Variants in ENOX1 observed in about 807,000 individuals in gnomAD.
The protein encoded by ENOX1 is candidate growth-related and time keeping constitutive hydroquinone (NADH) oxidase.
ENOX1 carries 42 observed loss-of-function variants against 82.5 expected under a neutral mutation model. The observed-to-expected ratio is 0.51, with a 90% CI of 0.40 to 0.66. ENOX1 has a LOEUF of 0.66. ENOX1 is among the 30% of genes least tolerant of loss of function. The probability of loss-of-function intolerance (pLI) is 0.00; values close to 1 mark genes in which losing one functional copy is unlikely to be tolerated. For missense variants in ENOX1, 608 were observed against 811.6 expected (o/e 0.75, Z 3.05); for synonymous variants, 271 against 282.2 (o/e 0.96, Z 0.40).
chr13:43,315,793 A>G (rs903834467), intron 11 of ENOX1, among the ~76,000 whole-genome samples: 4 of 152,170 alleles, frequency 2.6e-5, no homozygotes, highest in African/African-American at 9.7e-5. Flanking sequence ...ATATTCCCTC[A>G]GTGTCCTTCA....
chr13:43,784,941 C>G (rs999012121), intron 1 of ENOX1, among the ~76,000 whole-genome samples: 1 of 152,208 alleles, frequency 6.6e-6, no homozygotes, highest in African/African-American at 2.4e-5. Flanking sequence ...ATCATTTATA[C>G]GTACACATAT....
At chr13:43,696,266 A>T (rs1443310299) in intron 1 of ENOX1, among the ~76,000 whole-genome samples, 2 of 152,250 alleles carry the variant, frequency 1.3e-5, no homozygotes, top group African/African-American at 4.8e-5. Flanking sequence ...ACATTCATGT[A>T]CAGGTACTTG....
intron 1 of ENOX1, among the ~76,000 whole-genome samples, chr13:43,782,858 A>G (rs1300054989): frequency 6.6e-6 from 1 of 152,166 alleles, no homozygotes; most frequent in East Asian, 1.9e-4. Context: ...AATCTGCACT[A>G]TCACCTCTCT....
intron 2 of ENOX1, among the ~76,000 whole-genome samples, chr13:43,524,381 G>A (rs1566448041): frequency 6.6e-6 from 1 of 152,118 alleles, no homozygotes; most frequent in Non-Finnish European, 1.5e-5. Flanking sequence ...GGAGATGACA[G>A]ATTCCACCAC....
intron 1 of ENOX1, among the ~76,000 whole-genome samples, chr13:43,685,541 A>G (rs1308144233): frequency 6.6e-6 from 1 of 152,172 alleles, no homozygotes; most frequent in Non-Finnish European, 1.5e-5. Flanking sequence ...GAGTCAGTGC[A>G]CTTGGCAACT....
chr13:43,634,662 T>C (rs2083345972), intron 2 of ENOX1, among the ~76,000 whole-genome samples: 1 of 152,186 alleles, frequency 6.6e-6, no homozygotes, highest in South Asian at 2.1e-4. Flanking sequence ...TCAGCAGAAA[T>C]TCCTCTAGAA....
At chr13:43,553,469 C>T (rs1322155326) in intron 2 of ENOX1, among the ~76,000 whole-genome samples, 2 of 152,204 alleles carry the variant, frequency 1.3e-5, no homozygotes, top group Admixed American at 6.5e-5. Flanking sequence ...GTACTCACCG[C>T]TTCTTTAAAA....
intron 1 of ENOX1, among the ~76,000 whole-genome samples, chr13:43,766,877 C>T (rs1458893380): frequency 6.6e-6 from 1 of 152,112 alleles, no homozygotes; most frequent in Non-Finnish European, 1.5e-5. Flanking sequence ...GTTGGCCCAT[C>T]ATCTGCCCGG....
chr13:43,322,327 T>A (rs1468847932), intron 11 of ENOX1, 57 bp downstream of exon 11: 9 of 1,366,184 alleles, frequency 6.6e-6, no homozygotes, highest in Non-Finnish European at 1.0e-6. Flanking sequence ...ATTCCCCATC[T>A]GAGATTTGGA....
Position 43,786,354 on chromosome 13 carries a change from G to A in ENOX1, c.-285+298C>T, listed in dbSNP as rs1026331588. Among the ~76,000 whole-genome samples the A allele has an allele frequency of 6.6e-6, 1 of 151,896 alleles. No individual in the cohort carries two copies. The highest frequency in any genetic ancestry group is 1.5e-5 in the Non-Finnish European group (1 of 67,972). On this transcript the variant is annotated intron_variant, in intron 1 of 16. Coordinates refer to ENST00000690772, the MANE Select transcript of ENOX1 (RefSeq NM_001347969.2). This position sits in a 1 kb window ranked among gnomAD's most constrained non-coding sequence, Gnocchi z 6.0. ...GGGCGCGGAGCCCGGAGCTGACACT[G>A]GCTGGCGGGCGGAGGGGAGAGCGGG...
chr13:43,544,608 C>T (rs2078894212), intron 2 of ENOX1: 1 of 152,102 alleles, frequency 6.6e-6, no homozygotes, highest in Non-Finnish European at 1.5e-5. Flanking sequence ...ATAGAGTACA[C>T]TTATTGCCAA....
intron 8 of ENOX1, among the ~76,000 whole-genome samples, chr13:43,346,559 C>A (rs868123596): frequency 1.3e-5 from 2 of 152,210 alleles, no homozygotes; most frequent in African/African-American, 2.4e-5. Context: ...GCCACTTATA[C>A]CATTTTGTTA....
chr13:43,662,082 A>G lies in ENOX1; in HGVS notation c.-219+5397T>C, dbSNP rs368831988. Among the ~76,000 whole-genome samples, 257 of 152,270 alleles carry G rather than the reference A, an allele frequency of 1.7e-3. 2 individuals carry two copies. The highest frequency in any genetic ancestry group is 6.8e-3 in the Middle Eastern group (2 of 294). On this transcript the variant is annotated intron_variant, in intron 2 of 16. Transcript: ENST00000690772. The stretch of plus-strand genomic sequence containing the variant: ...TCCTATCGACTTTGGGGCCAACTCA[A>G]TACAAAAGCAGAAGAAAGGCATTAA...
chr13:43,350,903 G>C (rs533306224), intron 8 of ENOX1, among the ~76,000 whole-genome samples: 1 of 152,296 alleles, frequency 6.6e-6, no homozygotes, highest in African/African-American at 2.4e-5. Context: ...ACAATGAGGA[G>C]ACAGGGATTT....
chr13:43,324,043 C>T (rs2047964254), intron 10 of ENOX1, among the ~76,000 whole-genome samples: 1 of 143,852 alleles, frequency 7.0e-6, no homozygotes, highest in Non-Finnish European at 1.5e-5. Context: ...AGAGGGAAGG[C>T]AGACAAGGCT....
chr13:43,756,488 G>T (rs1470886590), intron 1 of ENOX1, among the ~76,000 whole-genome samples: 1 of 130,512 alleles, frequency 7.7e-6, no homozygotes, highest in Admixed American at 7.6e-5. Context: ...GAGGGGAAGG[G>T]GAGGGGAAGG....
intron 3 of ENOX1, among the ~76,000 whole-genome samples, chr13:43,418,299 G>A (rs533003007): frequency 6.6e-5 from 10 of 152,296 alleles, no homozygotes; most frequent in Admixed American, 2.0e-4. Flanking sequence ...AGGTGGAGGC[G>A]GGCCAATCAC....
rs144205227 is a variant in ENOX1 at position 43,237,797 on chromosome 13, G to A, written c.1612-1059C>T. On this transcript the variant is annotated intron_variant, in intron 14 of 16. Transcript: ENST00000690772. ...CCTGCAAAAAGTGAAAACCACACCC[G>A]AAGGCATTCAAAGAAAAATAAACCC... Among the ~76,000 whole-genome samples the A allele has an allele frequency of 2.0e-5, 3 of 152,248 alleles. 1 individual carries two copies. The highest frequency in any genetic ancestry group is 7.2e-5 in the African/African-American group (3 of 41,538).
intron 9 of ENOX1, among the ~76,000 whole-genome samples, chr13:43,340,332 G>A (rs926783140): frequency 6.6e-6 from 1 of 152,218 alleles, no homozygotes; most frequent in Non-Finnish European, 1.5e-5. Context: ...GAGTCATCCT[G>A]AAAGATCTTG....
Sources: allele counts gnomAD v4.1 joint callset (sites outside exome capture counted in the v4.1 genomes callset), GRCh38; gene constraint gnomAD v4.1.1; non-coding constraint Gnocchi (gnomAD v3.1); transcripts MANE v1.5; gene names NCBI Gene and HGNC (gene_info 2026-07-23, HGNC 2026-07-21).